TMEM187: variants seen among roughly 807,000 people sequenced by gnomAD.
TMEM187 encodes the protein chromosome X open reading frame 12.
A neutral mutation model predicts 11.8 loss-of-function variants in TMEM187; 14 were observed. The ratio of observed to expected loss-of-function variants is 1.18; its 90% CI spans 0.78 to 1.85. The LOEUF (loss-of-function observed/expected upper bound fraction) is 1.85. TMEM187 is among the 40% of genes most tolerant of loss of function. The pLI is 0.00. For missense variants in TMEM187, 227 were observed against 243.9 expected, an observed-to-expected ratio of 0.93 and a Z score of 0.46; for synonymous variants, 112 against 118.5, an observed-to-expected ratio of 0.95 and a Z score of 0.36.
chrX:153,982,369 C>T lies in TMEM187; in HGVS notation c.307C>T (p.Arg103Cys), dbSNP rs782432778. The T allele has an allele frequency of 1.1e-5, 13 of 1,201,313 alleles. No homozygotes were observed. The highest frequency in any genetic ancestry group is 8.8e-5 in the Admixed American group (4 of 45,211). Residue 103 changes from arginine (R) to cysteine (C), a missense_variant, in exon 2 of 2, where the codon CGC becomes TGC. Coordinates refer to ENST00000369982, the MANE Select transcript of TMEM187 (RefSeq NM_003492.3). ...ALLYGPVQWLRLWTQWRRAAV... is the reference protein window; with the variant it reads ...ALLYGPVQWLCLWTQWRRAAV... Reference sequence around the variant, plus strand: ...GCTCTATGGCCCCGTGCAGTGGCTGCGCCTGTGGACGCAGTGGCGCCGTGC... The same window carrying T: ...GCTCTATGGCCCCGTGCAGTGGCTGTGCCTGTGGACGCAGTGGCGCCGTGC...
chrX:153,973,369 G>C (rs1196411638), intron 1 of TMEM187, among the ~76,000 whole-genome samples: 1 of 112,600 alleles, frequency 8.9e-6, no homozygotes, highest in African/African-American at 3.2e-5. Flanking sequence ...GCCACCACCT[G>C]CTCTTTGTGA....
At chrX:153,980,075 C>T (rs979473286) in intron 1 of TMEM187, among the ~76,000 whole-genome samples, 5 of 107,071 alleles carry the variant, frequency 4.7e-5, no homozygotes, top group Admixed American at 2.0e-4. Context: ...GCAGGCCGGG[C>T]GCTGTGGTAG....
At chrX:153,973,059 A>G (rs1835752600) in intron 1 of TMEM187, among the ~76,000 whole-genome samples, 199 bp downstream of exon 1, 1 of 112,410 alleles carries the variant, frequency 8.9e-6, no homozygotes, top group Non-Finnish European at 1.9e-5. Flanking sequence ...CGGTCCTGTC[A>G]GAGCCTGTGG....
rs137990072 is a variant in TMEM187 at position 153,982,705 on chromosome X, G to A, written c.643G>A (p.Ala215Thr). The A allele has an allele frequency of 2.5e-5, 30 of 1,210,989 alleles. No homozygotes were observed. In the African/African-American group the frequency reaches 3.5e-4, roughly 14 times the overall value. The stretch of plus-strand genomic sequence containing the variant: ...CCTCAAGCTGTGTGACCATCAGCTC[G>A]CACGGTGGCGTCTCTTCCAGTGCCT... The part of the protein sequence containing the change: ...VVLKLCDHQL[A>T]RWRLFQCLTG... Residue 215 changes from alanine (A) to threonine (T), a missense_variant, in exon 2 of 2, where the codon GCA becomes ACA. Coordinates refer to ENST00000369982, the MANE Select transcript of TMEM187 (RefSeq NM_003492.3).
In TMEM187 at chrX:153,983,052, C is replaced by A; in HGVS notation, c.*204C>A. 2 of 747,327 alleles carry A rather than the reference C, an allele frequency of 2.7e-6. No homozygotes were observed. The highest frequency in any genetic ancestry group is 3.9e-6 in the Non-Finnish European group (2 of 507,501). The allele number at this position is 747,327 out of a possible 1,213,427, so 61.6% of individuals were successfully genotyped here. ...ACAACTTACTTTCAAAGACATAAAG[C>A]ACAGATCTCCGCACAGGGGATGTGT... On this transcript the variant is annotated 3_prime_UTR_variant, in exon 2 of 2. Transcript: ENST00000369982.
intron 1 of TMEM187, among the ~76,000 whole-genome samples, chrX:153,973,083 C>A (rs781946692): frequency 2.7e-5 from 3 of 112,327 alleles, no homozygotes; most frequent in African/African-American, 3.2e-5. Context: ...TTGTTGTAAA[C>A]GTCTAGAAGT....
chrX:153,980,524 G>A (rs1448724721), intron 1 of TMEM187: 1 of 112,139 alleles, frequency 8.9e-6, no homozygotes, highest in Non-Finnish European at 1.9e-5. Flanking sequence ...AAGTCAAACT[G>A]CTAGAGTTTC....
intron 1 of TMEM187, among the ~76,000 whole-genome samples, chrX:153,979,690 G>A (rs2065591375): frequency 9.6e-6 from 1 of 104,593 alleles, no homozygotes; most frequent in Non-Finnish European, 2.0e-5. Flanking sequence ...GAGGCCAAGA[G>A]TTCGAGACCA....
rs1157666437 is a variant in TMEM187, at chrX:153,973,066, G to C, written c.-214+206G>C. Among the ~76,000 whole-genome samples the C allele has an allele frequency of 1.1e-4, 12 of 112,372 alleles. No individual in the cohort carries two copies. The Admixed American group carries it at 1.1e-3, about 10-fold the overall frequency. On this transcript the variant is annotated intron_variant, in intron 1 of 1. Transcript: ENST00000369982. ...GGACAGACCGGTCCTGTCAGAGCCT[G>C]TGGCTTTTGTTGTAAACGTCTAGAA...
At chrX:153,979,430 G>A (rs1033812269) in intron 1 of TMEM187, among the ~76,000 whole-genome samples, 1 of 108,515 alleles carries the variant, frequency 9.2e-6, no homozygotes, top group Non-Finnish European at 1.9e-5. Flanking sequence ...TTGTTGCCCA[G>A]GCTGGTCTCA....
intron 1 of TMEM187, among the ~76,000 whole-genome samples, chrX:153,973,319 A>T (rs1005906095): frequency 1.8e-5 from 2 of 112,569 alleles, no homozygotes; most frequent in Non-Finnish European, 3.8e-5. Context: ...GGAAGTATCC[A>T]TTTGAGAAGG....
In TMEM187 at chrX:153,982,079, G is replaced by A; in HGVS notation, c.17G>A (p.Gly6Glu). 1 of 1,212,585 alleles carries A rather than the reference G, an allele frequency of 8.2e-7. No homozygotes were observed. Among genetic ancestry groups the A allele is most frequent in the Non-Finnish European group, 1.1e-6 (1 of 895,722 alleles). The change falls in exon 2 of 2, where the codon GGG becomes GAG. Residue 6 changes from glycine (G) to glutamate (E), a missense_variant. Coordinates refer to ENST00000369982, the MANE Select transcript of TMEM187 (RefSeq NM_003492.3). ...CGGTTCCAGATGAATCCAGAGTGGG[G>A]GCAGGCCTTCGTGCACGTGGCCGTG... The part of the protein sequence containing the change: MNPEW[G>E]QAFVHVAVAG...
In TMEM187 at chrX:153,982,414, C is replaced by T; in HGVS notation, c.352C>T (p.Leu118Phe). 2.5e-6 allele frequency: 3 copies of T among 1,200,884 alleles called. No individual in the cohort carries two copies. The highest frequency in any genetic ancestry group is 3.4e-6 in the Non-Finnish European group (3 of 893,437). Residue 118 changes from leucine (L) to phenylalanine (F), a missense_variant, in exon 2 of 2, where the codon CTC (leucine) becomes TTC (phenylalanine). Coordinates refer to ENST00000369982, the MANE Select transcript of TMEM187 (RefSeq NM_003492.3). ...CCGTGCCGCGGTGCTGGACCAGTGG[C>T]TCACACTGCCCATCTTTGCATGGCC... ...WRRAAVLDQW[L>F]TLPIFAWPVA...
At chrX:153,978,838 G>A (rs2065587829) in intron 1 of TMEM187, among the ~76,000 whole-genome samples, 1 of 110,102 alleles carries the variant, frequency 9.1e-6, no homozygotes, top group South Asian at 3.8e-4. Flanking sequence ...CCAGGCTGGA[G>A]TGCAATGGCA....
rs1557121895 is a variant in TMEM187, at chrX:153,978,761, TG to T, written c.-213-3088del. Among the ~76,000 whole-genome samples, 70 of 89,668 alleles carry T rather than the reference TG, an allele frequency of 7.8e-4. 1 individual carries two copies. The highest frequency in any genetic ancestry group is 3.7e-3 in the African/African-American group (66 of 17,704). The allele number at this position is 89,668 out of a possible 115,157, so 77.9% of individuals were successfully genotyped here. A position where few individuals can be genotyped will look rare whatever the true frequency, so the allele number is the denominator to read the frequency against. On this transcript the variant is annotated intron_variant, in intron 1 of 1. Transcript: ENST00000369982. ...ACCACACCTGGCTAATTTTTTGTTT[TG>T]TTTTGTTTTGTTTTGTTTTGTTTTG...
intron 1 of TMEM187, 79 bp from the exon 2 acceptor site, chrX:153,981,771 T>A: frequency 2.4e-6 from 1 of 423,513 alleles, no homozygotes; most frequent in Non-Finnish European, 4.1e-6. Context: ...TGGTAGCTCC[T>A]GAGGCCGGGG....
intron 1 of TMEM187, among the ~76,000 whole-genome samples, chrX:153,977,913 C>T (rs2065583142): frequency 1.0e-5 from 1 of 99,521 alleles, no homozygotes; most frequent in African/African-American, 3.8e-5. Context: ...TGCAAGATTC[C>T]GTCTCAATAA....
At chrX:153,975,991 C>A (rs145538031) in intron 1 of TMEM187, among the ~76,000 whole-genome samples, 7,060 of 110,217 alleles carry the variant, frequency 0.064, 574 homozygotes, top group African/African-American at 0.22. Context: ...AGTCTTTAAT[C>A]CATGTTGAGT....
In TMEM187 at chrX:153,982,572, C is replaced by T. The variant is rs781814989; in HGVS notation, c.510C>T (p.His170=). 10 of 1,209,401 alleles carry T rather than the reference C, an allele frequency of 8.3e-6. No individual in the cohort carries two copies. The highest frequency in any genetic ancestry group is 3.5e-5 in the South Asian group (2 of 56,893). The change falls in exon 2 of 2, where the codon CAC becomes CAT. Residue 170 remains histidine (H), a synonymous_variant. Transcript: ENST00000369982. ...GCTTCGAGGTCGCACTGGGTGCTCACGTGGTGGCCGCTGTGGGGCAGGCGC... is the reference window on the plus strand; with the variant it reads ...GCTTCGAGGTCGCACTGGGTGCTCATGTGGTGGCCGCTGTGGGGCAGGCGC... ...PQGFEVALGA[H]VVAAVGQALR...
Sources: allele counts gnomAD v4.1 joint callset (sites outside exome capture counted in the v4.1 genomes callset), GRCh38; gene constraint gnomAD v4.1.1; transcripts MANE v1.5; gene names NCBI Gene and HGNC (gene_info 2026-07-23, HGNC 2026-07-21).